FMO4: variants seen among roughly 807,000 people sequenced by gnomAD.
The protein encoded by FMO4 is flavin containing dimethylaniline monoxygenase 4, also known as dimethylaniline monooxygenase [N-oxide-forming] 4.
In FMO4, 38 loss-of-function variants were observed where a neutral mutation model predicts 43.3. That is an observed-to-expected ratio of 0.88 (90% CI 0.68 to 1.15). The LOEUF (loss-of-function observed/expected upper bound fraction) is 1.15. FMO4 is among the 50% of genes most tolerant of loss of function. The pLI, the probability that FMO4 is intolerant of heterozygous loss-of-function variation, is 0.00. For synonymous variants in FMO4, 224 were observed against 232.2 expected (o/e 0.96, Z 0.32); for missense variants, 631 against 663.3 (o/e 0.95, Z 0.54).
intron 5 of FMO4, among the ~76,000 whole-genome samples, chr1:171,326,260 G>A (rs935114873): frequency 1.3e-5 from 2 of 152,068 alleles, no homozygotes; most frequent in Non-Finnish European, 2.9e-5. Context: ...AAAGTACCAG[G>A]ATTATTTCTA....
chr1:171,333,204 GTTTT>G (rs1184581779), intron 7 of FMO4: 2 of 264,114 alleles, frequency 7.6e-6, no homozygotes, highest in African/African-American at 2.3e-5. Flanking sequence ...TGTTGTTGGG[GTTTT>G]TTTGTGTTGT....
chr1:171,333,288 A>C (rs974846167), intron 7 of FMO4: 4 of 210,038 alleles, frequency 1.9e-5, no homozygotes, highest in African/African-American at 9.6e-5. Context: ...CAATGGTCCG[A>C]TTTCTATTCA....
intron 8 of FMO4, among the ~76,000 whole-genome samples, chr1:171,335,017 T>C (rs1338155457): frequency 6.6e-6 from 1 of 152,224 alleles, no homozygotes; most frequent in Non-Finnish European, 1.5e-5. Context: ...TAGCTGAAAT[T>C]ATTGAAGGCT....
Position 171,341,679 on chromosome 1 carries a change from C to G in FMO4, c.1517C>G (p.Ser506Cys). 6.2e-7 allele frequency: 1 copy of G among 1,613,912 alleles called. No homozygotes were observed. The highest frequency in any genetic ancestry group is 8.5e-7 in the Non-Finnish European group (1 of 1,179,964). ...PLKTRIVPDS[S>C]KPASMSHYLK... ...AAAACTCGAATTGTCCCTGATTCCT[C>G]CAAGCCTGCCTCCATGTCACATTAT... Residue 506 changes from serine (S) to cysteine (C), a missense_variant, in exon 10 of 10, where the codon TCC becomes TGC. By Grantham distance (112) the Ser-to-Cys change is moderately radical. Transcript: ENST00000367749.
chr1:171,322,192 A>T (rs1312004031), intron 3 of FMO4, among the ~76,000 whole-genome samples: 1 of 152,132 alleles, frequency 6.6e-6, no homozygotes, highest in Non-Finnish European at 1.5e-5. Context: ...TTTTGTTTTT[A>T]AAATTAGAGT....
intron 5 of FMO4, among the ~76,000 whole-genome samples, chr1:171,329,218 T>C (rs372949878): frequency 6.6e-6 from 1 of 152,036 alleles, no homozygotes; most frequent in Non-Finnish European, 1.5e-5. Context: ...CCTGGGCTAG[T>C]TTTCTCTGAT....
chr1:171,331,605 A>C (rs749462456), intron 5 of FMO4, 35 bp from the exon 6 acceptor site: 1 of 1,607,692 alleles, frequency 6.2e-7, no homozygotes, highest in Non-Finnish European at 8.5e-7. Context: ...ATAACTTTAG[A>C]CATTTCAGAC....
At chr1:171,324,028 C>T in intron 4 of FMO4, 110 bp from the exon 5 acceptor site, 1 of 927,392 alleles carries the variant, frequency 1.1e-6, no homozygotes, top group Non-Finnish European at 1.6e-6. Flanking sequence ...TAATAGACCT[C>T]CTGTCATGGG....
intron 2 of FMO4, among the ~76,000 whole-genome samples, chr1:171,319,503 A>G (rs1017398531): frequency 6.6e-6 from 1 of 152,136 alleles, no homozygotes; most frequent in South Asian, 2.1e-4. Flanking sequence ...TTGCCAGGGA[A>G]CTGCTCTCTC....
chr1:171,322,960 C>T (rs1662495382), intron 3 of FMO4, 44 bp from the exon 4 acceptor site: 4 of 1,470,578 alleles, frequency 2.7e-6, no homozygotes, highest in Non-Finnish European at 3.8e-6. Context: ...TTCTCTTCCT[C>T]CTATCTCCAT....
chr1:171,322,628 G>A (rs1482058090), intron 3 of FMO4, among the ~76,000 whole-genome samples: 1 of 152,076 alleles, frequency 6.6e-6, no homozygotes, highest in African/African-American at 2.4e-5. Context: ...CAAGGCGGGT[G>A]GATCACTTGA....
At chr1:171,323,262 G>A in intron 4 of FMO4, 70 bp downstream of exon 4, 1 of 1,007,196 alleles carries the variant, frequency 9.9e-7, no homozygotes, top group Non-Finnish European at 1.5e-6. Context: ...ATGAAAATTG[G>A]ATGTTTAAAG....
intron 5 of FMO4, among the ~76,000 whole-genome samples, chr1:171,325,154 C>A (rs1571396960): frequency 6.6e-6 from 1 of 152,226 alleles, no homozygotes. Flanking sequence ...ACTCTTAAAC[C>A]AGGGCTATCC....
At chr1:171,332,073 A>G (rs1409128730) in intron 6 of FMO4, among the ~76,000 whole-genome samples, 1 of 152,198 alleles carries the variant, frequency 6.6e-6, no homozygotes, top group African/African-American at 2.4e-5. Context: ...AAACAAGACC[A>G]TATAGGCAAA....
At chr1:171,336,237 A>G (rs978158757) in intron 8 of FMO4, among the ~76,000 whole-genome samples, 3 of 152,224 alleles carry the variant, frequency 2.0e-5, no homozygotes, top group African/African-American at 7.2e-5. Context: ...AAGGGTCACA[A>G]GTGGCCTGAG....
chr1:171,334,628 A>AACC lies in FMO4; in HGVS notation c.1045_1046insACC (p.Ile349delinsAsnLeu). ...TCTTAAAAGCCTCTGTACAAAGAAG[A>AACC]TATTTCTATACAAGCAAGTCTTTCC... is the stretch of plus-strand genomic sequence containing the variant. On this transcript the variant is annotated protein_altering_variant, in exon 8 of 10. Transcript: ENST00000367749. 6.2e-7 allele frequency: 1 copy of AACC among 1,613,160 alleles called. No individual in the cohort carries two copies. Among genetic ancestry groups the AACC allele is most frequent in the East Asian group, 2.2e-5 (1 of 44,856 alleles).
chr1:171,328,153 G>A (rs2101891920), intron 5 of FMO4, among the ~76,000 whole-genome samples: 1 of 152,188 alleles, frequency 6.6e-6, no homozygotes, highest in East Asian at 2.0e-4. Flanking sequence ...CAATTCTCCT[G>A]TCTCAGCCTC....
chr1:171,321,869 G>C (rs1264580139), intron 3 of FMO4, among the ~76,000 whole-genome samples: 1 of 152,146 alleles, frequency 6.6e-6, no homozygotes, highest in East Asian at 1.9e-4. Context: ...TAGAAGTACA[G>C]GATGCAGCAG....
In FMO4 at chr1:171,341,739, C is replaced by T. The variant is rs1209645186; in HGVS notation, c.1577C>T (p.Ser526Phe). The change falls in exon 10 of 10, where the codon TCT becomes TTT. Residue 526 changes from serine to phenylalanine, a missense_variant. Physicochemically the swap from Ser to Phe is radical, Grantham distance 155. Transcript: ENST00000367749. The stretch of plus-strand genomic sequence containing the variant: ...TGGGGGGCACCTGTCCTACTTGCCT[C>T]TCTTCTACTTATCTGTAAATCTTCA... ...KAWGAPVLLA[S>F]LLLICKSSLF... The T allele has an allele frequency of 4.3e-6, 7 of 1,613,784 alleles. No homozygotes were observed. The highest frequency in any genetic ancestry group is 5.9e-6 in the Non-Finnish European group (7 of 1,179,880).
Sources: gnomAD v4.1 joint callset for allele counts (sites outside exome capture counted in the v4.1 genomes callset) on GRCh38, gnomAD v4.1.1 for gene constraint, MANE v1.5 for transcripts, NCBI Gene and HGNC (gene_info 2026-07-23, HGNC 2026-07-21) for gene names.